Variants in EFHD1 observed in about 807,000 individuals in gnomAD.
The protein encoded by EFHD1 is EF-hand domain family member D1.
Under a neutral mutation model 17.2 loss-of-function variants are expected in EFHD1, and 10 were observed. The observed-to-expected ratio is 0.58, with a 90% CI of 0.36 to 0.99. EFHD1 has a LOEUF of 0.99. EFHD1 is among the 50% of genes least tolerant of loss of function. The pLI, the probability that EFHD1 is intolerant of heterozygous loss-of-function variation, is 0.01. For missense variants in EFHD1, 310 were observed against 327.5 expected, an observed-to-expected ratio of 0.95 and a Z score of 0.41; for synonymous variants, 153 against 142.0, an observed-to-expected ratio of 1.08 and a Z score of -0.55.
chr2:232,642,089 A>G (rs1382696226), intron 1 of EFHD1, among the ~76,000 whole-genome samples: 1 of 152,148 alleles, frequency 6.6e-6, no homozygotes, highest in African/African-American at 2.4e-5. Flanking sequence ...ACTCCCAATG[A>G]AAAAGACAAA....
intron 1 of EFHD1, among the ~76,000 whole-genome samples, chr2:232,659,167 C>T (rs951010434): frequency 2.6e-5 from 4 of 152,090 alleles, no homozygotes; most frequent in Admixed American, 2.0e-4. Flanking sequence ...CACCAACAGC[C>T]ACCCAGCGAT....
rs1274886635 is a variant in EFHD1, at chr2:232,657,902, T to TC, written c.303-4900_303-4899insC. The stretch of plus-strand genomic sequence containing the variant: ...ACCTTGCATTTTTCTTTCTTTTCTT[T>TC]TTTTTTTTTTTTTTTTGAGACTGAG... On this transcript the variant is annotated intron_variant, in intron 1 of 3. Transcript: ENST00000264059. Among the ~76,000 whole-genome samples the TC allele has an allele frequency of 3.7e-5, 5 of 136,038 alleles. No individual in the cohort carries two copies. The South Asian group carries it at 7.7e-4, about 21-fold the overall frequency. 89.2% of individuals were successfully genotyped at this position (136,038 alleles called of 152,430 possible). A position where few individuals can be genotyped will look rare whatever the true frequency, so the allele number is the denominator to read the frequency against.
chr2:232,657,545 C>T (rs932536832), intron 1 of EFHD1, among the ~76,000 whole-genome samples: 7 of 152,116 alleles, frequency 4.6e-5, no homozygotes, highest in Non-Finnish European at 8.8e-5. Flanking sequence ...CATGGTGGCT[C>T]ACGCCTGTAA....
At chr2:232,650,025 G>A (rs569559348) in intron 1 of EFHD1, 1 of 152,474 alleles carries the variant, frequency 6.6e-6, no homozygotes, top group African/African-American at 2.4e-5. Flanking sequence ...GCTGCCTAAA[G>A]AGGGGTGAAC....
chr2:232,611,697 C>G lies in EFHD1; in HGVS notation c.14+5524C>G, dbSNP rs1265039510. 4 of 152,284 alleles carry G rather than the reference C, an allele frequency of 2.6e-5. No homozygotes were observed. The East Asian group carries it at 5.8e-4, about 22-fold the overall frequency. The allele number at this position is 152,284 out of a possible 1,614,324, so 9.4% of individuals were successfully genotyped here. On this transcript the variant is annotated intron_variant, in intron 1 of 3. Coordinates refer to the EFHD1 transcript ENST00000409613. ...CCAGCCCTATTCTGCCAACAGGAAG[C>G]CTTTGCCCACGCCCAAGAGAGAGGG...
At chr2:232,659,625 A>T (rs552973148) in intron 1 of EFHD1, among the ~76,000 whole-genome samples, 1 of 152,286 alleles carries the variant, frequency 6.6e-6, no homozygotes, top group Non-Finnish European at 1.5e-5. Context: ...CTTGGCAGGT[A>T]GTGGTTGTTC....
At position 232,617,379 on chromosome 2, in the gene EFHD1, A is replaced by C. The variant is rs554901310; in HGVS notation, c.14+11206A>C. ...TGTATCAAGAATGCTGGCCGGGCGCAGTGGCTCACGCTTTAATCCCAGCAC... is the reference window on the plus strand; with the variant it reads ...TGTATCAAGAATGCTGGCCGGGCGCCGTGGCTCACGCTTTAATCCCAGCAC... On this transcript the variant is annotated intron_variant, in intron 1 of 3. Transcript: ENST00000409613. Among the ~76,000 whole-genome samples the C allele has an allele frequency of 1.9e-3, 294 of 152,260 alleles. 3 individuals carry two copies. Among genetic ancestry groups the C allele is most frequent in the African/African-American group, 6.9e-3 (286 of 41,564 alleles).
At position 232,678,927 on chromosome 2, in the gene EFHD1, C is replaced by T. The variant is rs559788570; in HGVS notation, c.586-2658C>T. On this transcript the variant is annotated intron_variant, in intron 3 of 3. Transcript: ENST00000264059. ...CACTTGTGAAGATAAAGTCAAGTCC[C>T]TACTTTATACTCTGCACTAAAAGAA... Among the ~76,000 whole-genome samples the T allele has an allele frequency of 9.9e-5, 15 of 152,266 alleles. No individual in the cohort carries two copies. The South Asian group carries it at 2.9e-3, about 29-fold the overall frequency.
At chr2:232,621,032 A>G (rs1005914623) in intron 1 of EFHD1, among the ~76,000 whole-genome samples, 3 of 152,186 alleles carry the variant, frequency 2.0e-5, no homozygotes, top group African/African-American at 4.8e-5. Flanking sequence ...CACACAGCCA[A>G]TTTGGAATGG....
chr2:232,608,592 AAG>A (rs1183495082), intron 1 of EFHD1, among the ~76,000 whole-genome samples: 1 of 152,120 alleles, frequency 6.6e-6, no homozygotes, highest in African/African-American at 2.4e-5. Flanking sequence ...ACTTGGGAAA[AAG>A]AGAAGAAAAC....
At chr2:232,615,298 C>G (rs189468778) in intron 1 of EFHD1, among the ~76,000 whole-genome samples, 210 of 144,224 alleles carry the variant, frequency 1.5e-3, no homozygotes, top group Admixed American at 3.1e-3. Context: ...CTGCATTGTT[C>G]AAGTGTCAAC....
intron 1 of EFHD1, among the ~76,000 whole-genome samples, chr2:232,660,727 C>G (rs926857868): frequency 1.1e-4 from 16 of 151,854 alleles, no homozygotes; most frequent in Non-Finnish European, 2.4e-4. Context: ...TCTGTAATCC[C>G]AAGACTCTAG....
intron 1 of EFHD1, among the ~76,000 whole-genome samples, chr2:232,614,078 CACACAT>C (rs1693874407): frequency 1.4e-5 from 2 of 143,128 alleles, no homozygotes; most frequent in African/African-American, 2.6e-5. Context: ...ACACATTATA[CACACAT>C]ATATACACAC....
chr2:232,631,878 C>T (rs1360900176), upstream of EFHD1, among the ~76,000 whole-genome samples: 1 of 151,770 alleles, frequency 6.6e-6, no homozygotes, highest in Non-Finnish European at 1.5e-5. Context: ...TGGTGGGCGC[C>T]TGTAATCCCA....
At chr2:232,671,871 A>G (rs958415197) in intron 2 of EFHD1, among the ~76,000 whole-genome samples, 3 of 152,300 alleles carry the variant, frequency 2.0e-5, no homozygotes, top group South Asian at 2.1e-4. Flanking sequence ...AACCTGGCCA[A>G]CATGGCAAAA....
intron 1 of EFHD1, among the ~76,000 whole-genome samples, chr2:232,635,436 A>G (rs1427366965): frequency 1.3e-5 from 2 of 152,206 alleles, no homozygotes; most frequent in Non-Finnish European, 2.9e-5. Flanking sequence ...TTGACTACCT[A>G]AGAGTGATAA....
At chr2:232,654,273 C>G (rs1000848292) in intron 1 of EFHD1, among the ~76,000 whole-genome samples, 1 of 151,188 alleles carries the variant, frequency 6.6e-6, no homozygotes, top group African/African-American at 2.4e-5. Flanking sequence ...TTGCCAAGGT[C>G]TTTTCTGACA....
upstream of EFHD1, among the ~76,000 whole-genome samples, chr2:232,631,262 TTCTCTC>T (rs372033136): frequency 6.7e-6 from 1 of 148,994 alleles, no homozygotes; most frequent in African/African-American, 2.5e-5. Context: ...CATGCAAAGT[TTCTCTC>T]TCTCTCTCTC....
intron 1 of EFHD1, among the ~76,000 whole-genome samples, chr2:232,660,685 A>G (rs1268749573): frequency 2.0e-5 from 3 of 152,056 alleles, no homozygotes; most frequent in Admixed American, 2.0e-4. Context: ...CACTTAACAT[A>G]AAATTGACCA....
Sources: allele counts gnomAD v4.1 joint callset (sites outside exome capture counted in the v4.1 genomes callset), GRCh38; gene constraint gnomAD v4.1.1; transcripts MANE v1.5; gene names NCBI Gene and HGNC (gene_info 2026-07-23, HGNC 2026-07-21).